AGAP1: variants seen among roughly 807,000 people sequenced by gnomAD.
AGAP1 encodes ArfGAP with GTPase domain, ankyrin repeat and PH domain 1.
A neutral mutation model predicts 105.3 loss-of-function variants in AGAP1; 29 were observed. The ratio of observed to expected loss-of-function variants is 0.28; its 90% CI spans 0.21 to 0.38. AGAP1 has a LOEUF of 0.38. AGAP1 is among the 10% of genes least tolerant of loss of function. The probability of loss-of-function intolerance (pLI) is 1.00; values close to 1 mark genes in which losing one functional copy is unlikely to be tolerated. For synonymous variants in AGAP1, 509 were observed against 485.9 expected (o/e 1.05, Z -0.63); for missense variants, 998 against 1,165.1 (o/e 0.86, Z 2.09).
rs1454412140 is a variant in AGAP1 at position 235,842,347 on chromosome 2, G to A, written c.1050+35016G>A. On this transcript the variant is annotated intron_variant, in intron 9 of 17. Transcript: ENST00000304032. The surrounding 1 kb of genome is among the most constrained non-coding windows in gnomAD (Gnocchi z 5.3). ...GATCCACAGTGGTGTTTTGTTAGCA[G>A]AACCTGTGACTTTGCCACCCTCAAA... 6.6e-6 allele frequency among the ~76,000 whole-genome samples: 1 copy of A among 152,230 alleles called. No individual in the cohort carries two copies. The highest frequency in any genetic ancestry group is 1.5e-5 in the Non-Finnish European group (1 of 68,040).
At position 235,908,719 on chromosome 2, in the gene AGAP1, T is replaced by C. The variant is rs541037267; in HGVS notation, c.1156-19T>C. 11 of 1,580,460 alleles carry C rather than the reference T, an allele frequency of 7.0e-6. No homozygotes were observed. In the South Asian group the frequency reaches 1.2e-4, roughly 18 times the overall value. On this transcript the variant is annotated intron_variant, in intron 10 of 17. Transcript: ENST00000304032. This position sits in a 1 kb window ranked among gnomAD's most constrained non-coding sequence, Gnocchi z 4.4. ...TTTTTTTTTTTTTATCTCTCTTGGA[T>C]GTTTAACATTTTCAACAGGATTACA...
rs1575326001 is a variant in AGAP1, at chr2:235,751,050, A to G, written c.673+562A>G. On this transcript the variant is annotated intron_variant, in intron 6 of 17. Transcript: ENST00000304032. This position sits in a 1 kb window ranked among gnomAD's most constrained non-coding sequence, Gnocchi z 5.3. ...TATTCATTATTGATCACCTACCTTCAGGAACAGCCACAAATCAGACAGAAA... is the reference window on the plus strand; with the variant it reads ...TATTCATTATTGATCACCTACCTTCGGGAACAGCCACAAATCAGACAGAAA... Among the ~76,000 whole-genome samples the G allele has an allele frequency of 6.6e-6, 1 of 152,194 alleles. No homozygotes were observed. The highest frequency in any genetic ancestry group is 2.1e-4 in the South Asian group (1 of 4,826).
chr2:235,720,773 G>C lies in AGAP1; in HGVS notation c.310+3129G>C, dbSNP rs1432594609. 1.1e-6 allele frequency: 1 copy of C among 940,038 alleles called. No homozygotes were observed. Among genetic ancestry groups the C allele is most frequent in the African/African-American group, 1.8e-5 (1 of 56,156 alleles). 58.2% of individuals were successfully genotyped at this position (940,038 alleles called of 1,614,324 possible). ...GGCTGGGATATGTAGACTGCTGGGA[G>C]GGGTGAGGGTGAGGGCCTTCCTGTC... is the stretch of plus-strand genomic sequence containing the variant. On this transcript the variant is annotated intron_variant, in intron 3 of 17. Coordinates refer to ENST00000304032, the MANE Select transcript of AGAP1 (RefSeq NM_001037131.3). The surrounding 1 kb of genome is among the most constrained non-coding windows in gnomAD (Gnocchi z 5.0).
In AGAP1 at chr2:235,751,890, C is replaced by T. The variant is rs1415410096; in HGVS notation, c.673+1402C>T. Among the ~76,000 whole-genome samples the T allele has an allele frequency of 6.6e-6, 1 of 152,210 alleles. No homozygotes were observed. The highest frequency in any genetic ancestry group is 1.5e-5 in the Non-Finnish European group (1 of 68,042). Reference sequence around the variant, plus strand: ...GGGGTCCCACAGCCCCTTCTTCCCTCCACTAACGTATATCTCGGGCACCTC... The same window carrying T: ...GGGGTCCCACAGCCCCTTCTTCCCTTCACTAACGTATATCTCGGGCACCTC... On this transcript the variant is annotated intron_variant, in intron 6 of 17. Transcript: ENST00000304032. This position sits in a 1 kb window ranked among gnomAD's most constrained non-coding sequence, Gnocchi z 5.3.
chr2:235,944,778 A>G (rs979649634), intron 12 of AGAP1, among the ~76,000 whole-genome samples: 1 of 152,156 alleles, frequency 6.6e-6, no homozygotes. Flanking sequence ...AGGCAGTGGC[A>G]GCGACAGCAA....
intron 7 of AGAP1, among the ~76,000 whole-genome samples, chr2:235,798,328 C>T (rs1031120912): frequency 1.3e-5 from 2 of 152,190 alleles, no homozygotes; most frequent in African/African-American, 2.4e-5. Flanking sequence ...TCCATAACAA[C>T]ATTTTGCAAA....
Position 235,717,565 on chromosome 2 carries a change from G to A in AGAP1, c.231G>A (p.Val77=), listed in dbSNP as rs201200784. Residue 77 remains valine (V), a synonymous_variant, in exon 3 of 18, where the codon GTG becomes GTA. Coordinates refer to ENST00000304032, the MANE Select transcript of AGAP1 (RefSeq NM_001037131.3). ...RSVPELKVGI[V]GNLASGKSAL... Reference sequence around the variant, plus strand: ...GTCCGTTTCTGTTTCAGGGAATTGTGGGTAACTTGGCCAGCGGCAAGTCTG... The same window carrying A: ...GTCCGTTTCTGTTTCAGGGAATTGTAGGTAACTTGGCCAGCGGCAAGTCTG... The A allele has an allele frequency of 2.5e-5, 40 of 1,595,194 alleles. No individual in the cohort carries two copies. Among genetic ancestry groups the A allele is most frequent in the Non-Finnish European group, 2.9e-5 (34 of 1,175,216 alleles).
chr2:235,710,540 C>T (rs1302481455), intron 2 of AGAP1, among the ~76,000 whole-genome samples: 1 of 152,202 alleles, frequency 6.6e-6, no homozygotes, highest in African/African-American at 2.4e-5. Context: ...GCTGTCTCTG[C>T]AGCACTTGCC....
intron 1 of AGAP1, among the ~76,000 whole-genome samples, chr2:235,545,692 G>T (rs1348255247): frequency 1.3e-5 from 2 of 152,064 alleles, no homozygotes; most frequent in East Asian, 1.9e-4. Flanking sequence ...TGCTCCCCCG[G>T]ATTACTTGGC....
chr2:235,599,227 A>G lies in AGAP1; in HGVS notation c.163+104378A>G. Among the ~76,000 whole-genome samples, 1 of 152,272 alleles carries G rather than the reference A, an allele frequency of 6.6e-6. No homozygotes were observed. The highest frequency in any genetic ancestry group is 6.5e-5 in the Admixed American group (1 of 15,290). On this transcript the variant is annotated intron_variant, in intron 1 of 17. Transcript: ENST00000304032. This position sits in a 1 kb window ranked among gnomAD's most constrained non-coding sequence, Gnocchi z 5.3. ...CAGTCCCTTCCACGAATGCTGCGAG[A>G]ACCCACACAGCTGTTCATTTCGGTG...
rs202063841 is a variant in AGAP1 at position 235,692,558 on chromosome 2, T to TCTCCCCCCTTGCC, written c.164-16607_164-16595dup. ...ATACTTCGCCCTGCTGCCCCTATGC[T>TCTCCCCCCTTGCC]CTCCCCCCTTGCCCTCCCCCCTTGC... On this transcript the variant is annotated intron_variant, in intron 1 of 17. Transcript: ENST00000304032. This position sits in a 1 kb window ranked among gnomAD's most constrained non-coding sequence, Gnocchi z 5.8. Among the ~76,000 whole-genome samples the TCTCCCCCCTTGCC allele has an allele frequency of 6.6e-6, 1 of 150,718 alleles. No individual in the cohort carries two copies. The highest frequency in any genetic ancestry group is 1.5e-5 in the Non-Finnish European group (1 of 67,672).
In AGAP1 at chr2:235,891,576, G is replaced by A. The variant is rs1200710201; in HGVS notation, c.1155+8127G>A. On this transcript the variant is annotated intron_variant, in intron 10 of 17. Coordinates refer to ENST00000304032, the MANE Select transcript of AGAP1 (RefSeq NM_001037131.3). This position sits in a 1 kb window ranked among gnomAD's most constrained non-coding sequence, Gnocchi z 4.2. ...CCTCAGGGCTTCACAGTTCAGCGTGGCCACCTATTCATCTTCCATGTCGCA... is the reference window on the plus strand; with the variant it reads ...CCTCAGGGCTTCACAGTTCAGCGTGACCACCTATTCATCTTCCATGTCGCA... Among the ~76,000 whole-genome samples, 1 of 152,106 alleles carries A rather than the reference G, an allele frequency of 6.6e-6. No homozygotes were observed. The highest frequency in any genetic ancestry group is 2.1e-4 in the South Asian group (1 of 4,822).
chr2:235,657,279 G>A (rs999319207), intron 1 of AGAP1, among the ~76,000 whole-genome samples: 2 of 152,264 alleles, frequency 1.3e-5, no homozygotes, highest in Admixed American at 6.5e-5. Flanking sequence ...TGTTTATGTC[G>A]CTATTTGAGT....
At chr2:235,779,560 G>T (rs1956129421) in intron 6 of AGAP1, among the ~76,000 whole-genome samples, 1 of 152,112 alleles carries the variant, frequency 6.6e-6, no homozygotes, top group African/African-American at 2.4e-5. Context: ...CTTCAGCTCT[G>T]CGAGTCCAGA....
At chr2:235,584,847 G>A (rs570307592) in intron 1 of AGAP1, among the ~76,000 whole-genome samples, 47 of 150,196 alleles carry the variant, frequency 3.1e-4, no homozygotes, top group Admixed American at 2.7e-3. Context: ...TTTTCTCAGC[G>A]GAAACTTGGA....
Position 236,078,547 on chromosome 2 carries a change from C to A in AGAP1, c.2114+29266C>A, listed in dbSNP as rs528347458. 6.6e-6 allele frequency among the ~76,000 whole-genome samples: 1 copy of A among 152,286 alleles called. No homozygotes were observed. The highest frequency in any genetic ancestry group is 2.1e-4 in the South Asian group (1 of 4,824). ...CAGCAAAAGCCGCACGCTGCTTCTCCCAGAGGGGTGGGGTGCATTTTATTG... is the reference window on the plus strand; with the variant it reads ...CAGCAAAAGCCGCACGCTGCTTCTCACAGAGGGGTGGGGTGCATTTTATTG... On this transcript the variant is annotated intron_variant, in intron 16 of 17. Transcript: ENST00000304032. This position sits in a 1 kb window ranked among gnomAD's most constrained non-coding sequence, Gnocchi z 5.3.
intron 1 of AGAP1, among the ~76,000 whole-genome samples, chr2:235,561,272 T>A (rs1289143414): frequency 6.6e-6 from 1 of 152,164 alleles, no homozygotes; most frequent in Non-Finnish European, 1.5e-5. Flanking sequence ...ATCTCCAATT[T>A]TAAACTGCCC....
chr2:235,710,501 C>T, intron 2 of AGAP1, among the ~76,000 whole-genome samples: 1 of 152,174 alleles, frequency 6.6e-6, no homozygotes, highest in South Asian at 2.1e-4. Context: ...TGTCTGCCCC[C>T]CGCCCCATTC....
rs1235416751 is a variant in AGAP1 at position 235,793,204 on chromosome 2, G to T, written c.674-4555G>T. On this transcript the variant is annotated intron_variant, in intron 6 of 17. Coordinates refer to ENST00000304032, the MANE Select transcript of AGAP1 (RefSeq NM_001037131.3). This position sits in a 1 kb window ranked among gnomAD's most constrained non-coding sequence, Gnocchi z 5.3. Reference sequence around the variant, plus strand: ...GCAGGCCCAGCCTAGGGATTGCAGAGAGCAGGAGAGGCAGAGTCGAGCAGC... The same window carrying T: ...GCAGGCCCAGCCTAGGGATTGCAGATAGCAGGAGAGGCAGAGTCGAGCAGC... Among the ~76,000 whole-genome samples the T allele has an allele frequency of 6.6e-6, 1 of 152,184 alleles. No homozygotes were observed. Among genetic ancestry groups the T allele is most frequent in the Non-Finnish European group, 1.5e-5 (1 of 68,036 alleles).
Sources: allele counts gnomAD v4.1 joint callset (sites outside exome capture counted in the v4.1 genomes callset), GRCh38; gene constraint gnomAD v4.1.1; non-coding constraint Gnocchi (gnomAD v3.1); transcripts MANE v1.5; gene names NCBI Gene and HGNC (gene_info 2026-07-23, HGNC 2026-07-21).